The following SNTB2 variants were observed in gnomAD, a reference collection of about 807,000 sequenced individuals.
SNTB2 encodes the protein syntrophin beta 2.
A neutral mutation model predicts 46.2 loss-of-function variants in SNTB2; 34 were observed. The ratio of observed to expected loss-of-function variants is 0.74; its 90% CI spans 0.56 to 0.98. The LOEUF is 0.98. Among genes scored for constraint, SNTB2 ranks in the 50% least tolerant of loss-of-function variants. SNTB2 has a pLI of 0.00. For synonymous variants in SNTB2, 290 were observed against 312.6 expected (o/e 0.93, Z 0.76); for missense variants, 603 against 731.4 (o/e 0.82, Z 2.02).
At chr16:69,299,838 T>C (rs1965262464) in intron 6 of SNTB2, 64 bp downstream of exon 6, 2 of 1,481,908 alleles carry the variant, frequency 1.3e-6, no homozygotes, top group Non-Finnish European at 1.9e-6. Context: ...CATTACTTCT[T>C]ACCCCTTATA....
intron 5 of SNTB2, among the ~76,000 whole-genome samples, chr16:69,292,745 G>A (rs909357375): frequency 4.0e-5 from 6 of 151,302 alleles, no homozygotes; most frequent in African/African-American, 9.7e-5. Flanking sequence ...GAGCCACCAC[G>A]CCCGGCCGAG....
intron 2 of SNTB2, among the ~76,000 whole-genome samples, chr16:69,251,270 A>T (rs71384741): frequency 2.7e-5 from 4 of 150,466 alleles, no homozygotes; most frequent in Non-Finnish European, 5.9e-5. Flanking sequence ...GAGCCACTGC[A>T]CCCGGCCTTG....
chr16:69,209,934 AT>A (rs1476429195), intron 1 of SNTB2, among the ~76,000 whole-genome samples: 2 of 151,992 alleles, frequency 1.3e-5, no homozygotes, highest in Non-Finnish European at 2.9e-5. Context: ...TAGTGTAGAC[AT>A]GGCACAATCT....
At position 69,239,585 on chromosome 16, in the gene SNTB2, G is replaced by C. The variant is rs369706272; in HGVS notation, c.581-6017G>C. Among the ~76,000 whole-genome samples, 32 of 152,232 alleles carry C rather than the reference G, an allele frequency of 2.1e-4. No individual in the cohort carries two copies. In the East Asian group the frequency reaches 3.1e-3, roughly 15 times the overall value. On this transcript the variant is annotated intron_variant, in intron 1 of 6. Coordinates refer to ENST00000336278, the MANE Select transcript of SNTB2 (RefSeq NM_006750.4). ...TTTAGTCAAGGCAGGGTCTCGCTCT[G>C]TTGCCCAGGCTGGAGTGCAGTGGCG...
Position 69,305,893 on chromosome 16 carries a change from A to C in SNTB2, c.*4969A>C, listed in dbSNP as rs2143223447. ...TTTCCACATACTGTCTTTAAAAACCAATTGTAGCAATCTGCCCGCCTCCAC... is the reference window on the plus strand; with the variant it reads ...TTTCCACATACTGTCTTTAAAAACCCATTGTAGCAATCTGCCCGCCTCCAC... On this transcript the variant is annotated 3_prime_UTR_variant, in exon 7 of 7. Transcript: ENST00000336278. 6.6e-6 allele frequency: 1 copy of C among 152,180 alleles called. No homozygotes were observed. The highest frequency in any genetic ancestry group is 1.9e-4 in the East Asian group (1 of 5,168). 9.4% of individuals were successfully genotyped at this position (152,180 alleles called of 1,614,324 possible). A position where few individuals can be genotyped will look rare whatever the true frequency, so the allele number is the denominator to read the frequency against.
intron 4 of SNTB2, among the ~76,000 whole-genome samples, chr16:69,281,520 G>A (rs1965046228): frequency 2.7e-5 from 4 of 148,028 alleles, no homozygotes; most frequent in Admixed American, 2.7e-4. Context: ...TTTACATATG[G>A]ATGTCTACTT....
intron 2 of SNTB2, among the ~76,000 whole-genome samples, chr16:69,255,998 C>G (rs931808110): frequency 2.6e-5 from 4 of 151,896 alleles, no homozygotes; most frequent in African/African-American, 9.7e-5. Context: ...CCAGCCTGGC[C>G]AACATAGTGA....
chr16:69,239,324 T>A (rs1328037257), intron 1 of SNTB2, among the ~76,000 whole-genome samples: 1 of 152,226 alleles, frequency 6.6e-6, no homozygotes, highest in Non-Finnish European at 1.5e-5. Flanking sequence ...TATAATTTAC[T>A]TATTTTATTT....
intron 1 of SNTB2, among the ~76,000 whole-genome samples, chr16:69,242,315 A>G (rs1392053201): frequency 1.3e-5 from 2 of 152,068 alleles, no homozygotes; most frequent in African/African-American, 4.8e-5. Flanking sequence ...AGTTGCAGCT[A>G]CTCAGGAGGC....
At chr16:69,255,265 TA>T (rs912741830) in intron 2 of SNTB2, among the ~76,000 whole-genome samples, 73 of 150,860 alleles carry the variant, frequency 4.8e-4, no homozygotes, top group African/African-American at 1.3e-3. Context: ...GCCTGGCTGA[TA>T]AAAAAAAATT....
rs533065201 is a variant in SNTB2 at position 69,297,804 on chromosome 16, C to G, written c.1346-1786C>G. Among the ~76,000 whole-genome samples, 3 of 152,176 alleles carry G rather than the reference C, an allele frequency of 2.0e-5. No homozygotes were observed. In the East Asian group the frequency reaches 5.8e-4, roughly 29 times the overall value. On this transcript the variant is annotated intron_variant, in intron 5 of 6. Coordinates refer to ENST00000336278, the MANE Select transcript of SNTB2 (RefSeq NM_006750.4). ...TGGTGTACATCTGTAATCCCAGCTACTCAGCAGGCTGAGGCAGAAGAATTG... is the reference window on the plus strand; with the variant it reads ...TGGTGTACATCTGTAATCCCAGCTAGTCAGCAGGCTGAGGCAGAAGAATTG...
chr16:69,238,229 G>A (rs545189743), intron 1 of SNTB2, among the ~76,000 whole-genome samples: 3 of 152,232 alleles, frequency 2.0e-5, no homozygotes, highest in South Asian at 2.1e-4. Context: ...CCCCCAATTC[G>A]CAGGTCAGTG....
chr16:69,224,836 C>G (rs566358233), intron 1 of SNTB2, among the ~76,000 whole-genome samples: 1 of 152,264 alleles, frequency 6.6e-6, no homozygotes, highest in Admixed American at 6.5e-5. Flanking sequence ...ATTGTTCCAG[C>G]TTTTGTTTTT....
chr16:69,187,770 T>TGAGCG, intron 1 of SNTB2, 24 bp downstream of exon 1: 2 of 179,710 alleles, frequency 1.1e-5, no homozygotes, highest in Non-Finnish European at 9.7e-6. Flanking sequence ...GGCGGGAGGG[T>TGAGCG]GGGCAGGCCG....
In SNTB2 at chr16:69,270,171, G is replaced by GGAGA; in HGVS notation, c.1035_1038dup (p.Pro347GlufsTer9). ...AAACTAGATGGTGGAAGACAGCAAT[G>GGAGA]GAGACCTGTCCTCATGGCTGTGACT... is the stretch of plus-strand genomic sequence containing the variant. On this transcript the variant is annotated frameshift_variant, in exon 4 of 7. Coordinates refer to ENST00000336278, the MANE Select transcript of SNTB2 (RefSeq NM_006750.4). LOFTEE classifies it high-confidence loss of function. The GGAGA allele has an allele frequency of 1.9e-6, 3 of 1,614,144 alleles. No homozygotes were observed. The highest frequency in any genetic ancestry group is 2.5e-6 in the Non-Finnish European group (3 of 1,180,026).
chr16:69,235,774 A>T (rs1464566255), intron 1 of SNTB2: 5 of 1,289,248 alleles, frequency 3.9e-6, no homozygotes, highest in Non-Finnish European at 5.1e-6. Flanking sequence ...TTTCTGTCTG[A>T]CCAATATCAG....
intron 5 of SNTB2, among the ~76,000 whole-genome samples, chr16:69,297,632 C>A (rs1033064548): frequency 6.1e-5 from 9 of 146,494 alleles, no homozygotes; most frequent in South Asian, 2.2e-4. Context: ...AAAAAAGAAG[C>A]CATGTGCAAT....
chr16:69,221,502 G>A (rs72789261), intron 1 of SNTB2, among the ~76,000 whole-genome samples: 8,006 of 152,192 alleles, frequency 0.053, 235 homozygotes, highest in South Asian at 0.078. Context: ...CAGACAGGGC[G>A]TGGTGGCTTA....
chr16:69,211,258 C>T lies in SNTB2; in HGVS notation c.580+23512C>T, dbSNP rs77481642. 5.0e-3 allele frequency among the ~76,000 whole-genome samples: 768 copies of T among 152,102 alleles called. 4 individuals are homozygous for T. The highest frequency in any genetic ancestry group is 7.2e-3 in the Non-Finnish European group (490 of 67,982). ...GGGACACTTTGGAGAGAAACAACTT[C>T]TATAATTTTAATTTCATGCCCAGTA... is the stretch of plus-strand genomic sequence containing the variant. On this transcript the variant is annotated intron_variant, in intron 1 of 6. Coordinates refer to ENST00000336278, the MANE Select transcript of SNTB2 (RefSeq NM_006750.4).
Sources: gnomAD v4.1 joint callset for allele counts (sites outside exome capture counted in the v4.1 genomes callset) on GRCh38, gnomAD v4.1.1 for gene constraint, MANE v1.5 for transcripts, NCBI Gene and HGNC (gene_info 2026-07-23, HGNC 2026-07-21) for gene names.